ABCC12: variants seen among roughly 807,000 people sequenced by gnomAD.
ABCC12 encodes the protein ATP-binding cassette sub-family C member 12.
ABCC12 carries 142 observed loss-of-function variants against 151.1 expected under a neutral mutation model. The observed-to-expected ratio is 0.94, with a 90% confidence interval of 0.82 to 1.08. The LOEUF is 1.08. ABCC12 is among the 50% of genes least tolerant of loss of function. ABCC12 has a pLI of 0.00. For synonymous variants in ABCC12, 645 were observed against 646.4 expected (o/e 1.00, Z 0.03); for missense variants, 1,638 against 1,691.1 (o/e 0.97, Z 0.55).
At chr16:48,121,979 A>G in intron 12 of ABCC12, 139 bp from the exon 13 acceptor site, 1 of 1,282,124 alleles carries the variant, frequency 7.8e-7, no homozygotes, top group Non-Finnish European at 1.1e-6. Flanking sequence ...CATCTTGTCC[A>G]TGCACCAGAA....
intron 3 of ABCC12, among the ~76,000 whole-genome samples, chr16:48,145,361 A>G (rs1055687758): frequency 1.3e-5 from 2 of 152,228 alleles, no homozygotes; most frequent in African/African-American, 4.8e-5. Context: ...CTAATAATAT[A>G]TATAATAATA....
intron 18 of ABCC12, among the ~76,000 whole-genome samples, chr16:48,111,011 C>T (rs1963666179): frequency 6.6e-6 from 1 of 152,202 alleles, no homozygotes; most frequent in Non-Finnish European, 1.5e-5. Context: ...CAATGCTCCC[C>T]ATAAAGAGTG....
At chr16:48,126,160 C>T (rs1964230545) in intron 11 of ABCC12, among the ~76,000 whole-genome samples, 1 of 152,182 alleles carries the variant, frequency 6.6e-6, no homozygotes, top group Admixed American at 6.5e-5. Flanking sequence ...GAAGCTGAAT[C>T]TATTTAATTC....
chr16:48,118,548 A>G (rs1196927308), intron 13 of ABCC12, among the ~76,000 whole-genome samples: 4 of 152,204 alleles, frequency 2.6e-5, no homozygotes, highest in African/African-American at 9.7e-5. Flanking sequence ...ATTGATTGAT[A>G]TCATTGGCAT....
At chr16:48,122,096 T>A (rs932937191) in intron 12 of ABCC12, among the ~76,000 whole-genome samples, 3 of 152,222 alleles carry the variant, frequency 2.0e-5, no homozygotes, top group Admixed American at 6.5e-5. Flanking sequence ...ATGGGAGAGC[T>A]TGGACTGCAG....
intron 11 of ABCC12, among the ~76,000 whole-genome samples, chr16:48,126,453 G>A (rs1964243458): frequency 1.3e-5 from 2 of 152,182 alleles, no homozygotes; most frequent in South Asian, 4.1e-4. Flanking sequence ...CAGTCTGATG[G>A]AATTGAGGAG....
chr16:48,121,709 A>G lies in ABCC12; in HGVS notation c.1712+7T>C. 1.2e-6 allele frequency: 2 copies of G among 1,614,090 alleles called. No individual in the cohort carries two copies. The highest frequency in any genetic ancestry group is 1.7e-6 in the Non-Finnish European group (2 of 1,179,990). On this transcript the variant is annotated splice_region_variant and intron_variant, in intron 13 of 30. Transcript: ENST00000311303. Reference sequence around the variant, plus strand: ...AATGTGCCTCCTGCTTTAAAAGTTAATATTACCTTTGGTGATCATACTTTT... The same window carrying G: ...AATGTGCCTCCTGCTTTAAAAGTTAGTATTACCTTTGGTGATCATACTTTT...
Position 48,083,961 on chromosome 16 carries a change from C to T in ABCC12, c.3941G>A (p.Arg1314His), listed in dbSNP as rs140699394. The change falls in exon 30 of 31, where the codon CGC (arginine) becomes CAC (histidine). Residue 1314 changes from arginine (R) to histidine (H), a missense_variant. Coordinates refer to ENST00000311303, the MANE Select transcript of ABCC12 (RefSeq NM_001393797.1). ...KGCTVLTIAH[R>H]LNTVLNCDHV... ...ATCGCAGTTGAGAACTGTGTTGAGG[C>T]GGTGGGCGATGGTCAGCACAGTGCA... 2.9e-5 allele frequency: 46 copies of T among 1,611,522 alleles called. No homozygotes were observed. Among genetic ancestry groups the T allele is most frequent in the African/African-American group, 1.3e-4 (10 of 74,380 alleles).
intron 18 of ABCC12, among the ~76,000 whole-genome samples, chr16:48,109,279 C>T (rs1963604973): frequency 1.3e-5 from 2 of 152,196 alleles, no homozygotes; most frequent in South Asian, 2.1e-4. Flanking sequence ...AGGTCAGCTG[C>T]TGCATGGACA....
chr16:48,087,814 C>T (rs547968313), intron 27 of ABCC12, 112 bp downstream of exon 27: 73 of 1,201,062 alleles, frequency 6.1e-5, no homozygotes, highest in Non-Finnish European at 7.9e-5. Flanking sequence ...ATACTGCTTC[C>T]CTCAGACAGA....
intron 6 of ABCC12, among the ~76,000 whole-genome samples, chr16:48,140,228 GT>G (rs1179171151): frequency 6.7e-6 from 1 of 148,558 alleles, no homozygotes; most frequent in Non-Finnish European, 1.5e-5. Flanking sequence ...TTTGTTTTTT[GT>G]TTTTGATAAG....
Position 48,130,904 on chromosome 16 carries a change from C to T in ABCC12, c.1129-9G>A. On this transcript the variant is annotated splice_polypyrimidine_tract_variant and intron_variant, in intron 9 of 30. Coordinates refer to ENST00000311303, the MANE Select transcript of ABCC12 (RefSeq NM_001393797.1). The stretch of plus-strand genomic sequence containing the variant: ...GCAATCACACTAAATGCCTGAAGAA[C>T]AAAAGAGAAGTATGAGGGTTTAGAA... The T allele has an allele frequency of 6.3e-7, 1 of 1,593,056 alleles. No homozygotes were observed. The highest frequency in any genetic ancestry group is 8.6e-7 in the Non-Finnish European group (1 of 1,162,148).
chr16:48,089,577 G>C (rs992714118), intron 25 of ABCC12, among the ~76,000 whole-genome samples: 6 of 152,186 alleles, frequency 3.9e-5, no homozygotes, highest in African/African-American at 1.2e-4. Context: ...TAGGGATCCC[G>C]TGTGCCCCAT....
intron 9 of ABCC12, among the ~76,000 whole-genome samples, chr16:48,132,988 C>A (rs1307529844): frequency 3.3e-5 from 5 of 152,154 alleles, no homozygotes; most frequent in African/African-American, 1.2e-4. Flanking sequence ...CAGACTTTGA[C>A]CCCAACACCA....
At chr16:48,139,829 C>T (rs1004987855) in intron 6 of ABCC12, among the ~76,000 whole-genome samples, 1 of 152,126 alleles carries the variant, frequency 6.6e-6, no homozygotes, top group Non-Finnish European at 1.5e-5. Context: ...TGGAAGGCAC[C>T]CCTTCTTCTG....
At chr16:48,107,234 TG>T in intron 20 of ABCC12, 87 bp downstream of exon 20, 2 of 1,270,636 alleles carry the variant, frequency 1.6e-6, no homozygotes, top group Non-Finnish European at 2.3e-6. Context: ...GCTCATGGCA[TG>T]GTGGCAGGGG....
chr16:48,143,132 A>G lies in ABCC12; in HGVS notation c.275+778T>C, dbSNP rs747462777. Among the ~76,000 whole-genome samples the G allele has an allele frequency of 2.8e-4, 43 of 152,364 alleles. 2 individuals carry two copies. The highest frequency in any genetic ancestry group is 1.5e-3 in the East Asian group (8 of 5,190). ...GATCAACCTAAATATATTTTGTAAT[A>G]TAAAAGTCCAATAATGATGTTTAAA... On this transcript the variant is annotated intron_variant, in intron 4 of 30. Coordinates refer to ENST00000311303, the MANE Select transcript of ABCC12 (RefSeq NM_001393797.1).
At chr16:48,133,595 T>C (rs1964504179) in intron 9 of ABCC12, 92 bp downstream of exon 9, 1 of 1,453,926 alleles carries the variant, frequency 6.9e-7, no homozygotes, top group Non-Finnish European at 9.4e-7. Context: ...ATGTTCCTAA[T>C]GCCAGTATTG....
chr16:48,147,210 G>T (rs1965033552), intron 2 of ABCC12, among the ~76,000 whole-genome samples: 1 of 152,066 alleles, frequency 6.6e-6, no homozygotes, highest in Admixed American at 6.5e-5. Flanking sequence ...CAGTCCCCAA[G>T]CCAGCCACCC....
Sources: allele counts gnomAD v4.1 joint callset (sites outside exome capture counted in the v4.1 genomes callset), GRCh38; gene constraint gnomAD v4.1.1; transcripts MANE v1.5; gene names NCBI Gene and HGNC (gene_info 2026-07-23, HGNC 2026-07-21).